Variants in RHOJ observed in about 807,000 individuals in gnomAD.
RHOJ encodes the protein ras homolog family member J.
In RHOJ, 11 loss-of-function variants were observed where a neutral mutation model predicts 23.4. That is an observed-to-expected ratio of 0.47 (90% CI 0.30 to 0.78). The LOEUF is 0.78. Ranked by LOEUF, RHOJ falls within the 30% of genes least tolerant of loss-of-function variation. The pLI is 0.08. For synonymous variants in RHOJ, 102 were observed against 102.7 expected, an observed-to-expected ratio of 0.99 and a Z score of 0.04; for missense variants, 254 against 273.4, an observed-to-expected ratio of 0.93 and a Z score of 0.50.
At chr14:63,247,150 A>C (rs985194658) in intron 1 of RHOJ, among the ~76,000 whole-genome samples, 1 of 152,212 alleles carries the variant, frequency 6.6e-6, no homozygotes, top group Admixed American at 6.5e-5. Context: ...TGGAGTAGCC[A>C]GAGCAAAGAC....
intron 1 of RHOJ, among the ~76,000 whole-genome samples, chr14:63,232,536 GCA>G (rs995030035): frequency 1.3e-5 from 2 of 152,058 alleles, no homozygotes; most frequent in African/African-American, 4.8e-5. Flanking sequence ...GCTCTTCACT[GCA>G]CAGTCTATAT....
At chr14:63,268,456 T>C (rs745537481) in intron 1 of RHOJ, among the ~76,000 whole-genome samples, 8 of 152,220 alleles carry the variant, frequency 5.3e-5, no homozygotes, top group Non-Finnish European at 8.8e-5. Context: ...CCTTTATGTA[T>C]GTGAGACTGA....
At chr14:63,210,195 C>T (rs1594748630) in intron 1 of RHOJ, among the ~76,000 whole-genome samples, 2 of 151,828 alleles carry the variant, frequency 1.3e-5, no homozygotes, top group Admixed American at 1.3e-4. Flanking sequence ...CTCTTGACCT[C>T]GTGATCTGCC....
rs554070222 is a variant in RHOJ, at chr14:63,267,395, G to A, written c.179-1715G>A. The stretch of plus-strand genomic sequence containing the variant: ...CCCAGTGGGGCAGTGAGGATGACTC[G>A]ACTTCTAGGAATCACTCCACAGATG... On this transcript the variant is annotated intron_variant, in intron 1 of 4. Coordinates refer to ENST00000316754, the MANE Select transcript of RHOJ (RefSeq NM_020663.5). Among the ~76,000 whole-genome samples, 20 of 152,308 alleles carry A rather than the reference G, an allele frequency of 1.3e-4. 1 individual carries two copies. In the South Asian group the frequency reaches 3.5e-3, roughly 27 times the overall value.
At chr14:63,214,087 C>T (rs548453247) in intron 1 of RHOJ, among the ~76,000 whole-genome samples, 1 of 152,280 alleles carries the variant, frequency 6.6e-6, no homozygotes, top group Admixed American at 6.5e-5. Flanking sequence ...ACTGCCTTAG[C>T]ACCATGTTTA....
intron 2 of RHOJ, among the ~76,000 whole-genome samples, chr14:63,278,221 T>C (rs1307142613): frequency 1.3e-5 from 2 of 152,184 alleles, no homozygotes; most frequent in Non-Finnish European, 1.5e-5. Context: ...ATTAGGTACC[T>C]AAAACCTGTG....
At position 63,260,777 on chromosome 14, in the gene RHOJ, T is replaced by C. The variant is rs1163605822; in HGVS notation, c.179-8333T>C. Among the ~76,000 whole-genome samples, 8 of 152,158 alleles carry C rather than the reference T, an allele frequency of 5.3e-5. No individual in the cohort carries two copies. In the East Asian group the frequency reaches 5.8e-4, roughly 11 times the overall value. Reference sequence around the variant, plus strand: ...TGAGTGTGTAAATGGTTTCCAACTGTTAGCTACTATAAACACTTTGATGAC... The same window carrying C: ...TGAGTGTGTAAATGGTTTCCAACTGCTAGCTACTATAAACACTTTGATGAC... On this transcript the variant is annotated intron_variant, in intron 1 of 4. Transcript: ENST00000316754.
intron 1 of RHOJ, among the ~76,000 whole-genome samples, chr14:63,244,973 G>A (rs1246876033): frequency 6.6e-6 from 1 of 152,210 alleles, no homozygotes; most frequent in African/African-American, 2.4e-5. Flanking sequence ...ATTGAAAACT[G>A]TATGAGCTTT....
chr14:63,207,035 CTT>C lies in RHOJ; in HGVS notation c.178+2001_178+2002del, dbSNP rs200555463. 6.8e-4 allele frequency among the ~76,000 whole-genome samples: 96 copies of C among 141,002 alleles called. 2 individuals carry two copies. Among genetic ancestry groups the C allele is most frequent in the East Asian group, 4.9e-3 (24 of 4,866 alleles). 92.5% of individuals were successfully genotyped at this position (141,002 alleles called of 152,430 possible). A position where few individuals can be genotyped will look rare whatever the true frequency, so the allele number is the denominator to read the frequency against. ...GTGGTCATTTCTTTTCTTTTCTTTT[CTT>C]TTTTTTTTTTTTGAGACAGAGTCTT... On this transcript the variant is annotated intron_variant, in intron 1 of 4. Transcript: ENST00000316754.
chr14:63,211,497 T>C (rs1894238034), intron 1 of RHOJ, among the ~76,000 whole-genome samples: 1 of 152,204 alleles, frequency 6.6e-6, no homozygotes, highest in African/African-American at 2.4e-5. Flanking sequence ...TAATGGTTGT[T>C]CTTATTTACT....
chr14:63,252,427 A>G (rs1228004048), intron 1 of RHOJ, among the ~76,000 whole-genome samples: 1 of 152,224 alleles, frequency 6.6e-6, no homozygotes, highest in Non-Finnish European at 1.5e-5. Flanking sequence ...CTACTGATTC[A>G]GTATCCGGTA....
chr14:63,222,979 A>G (rs553882766), intron 1 of RHOJ, among the ~76,000 whole-genome samples: 3 of 152,302 alleles, frequency 2.0e-5, no homozygotes, highest in African/African-American at 7.2e-5. Flanking sequence ...CAAAGGAGCT[A>G]GGGAAGGAAG....
At chr14:63,250,173 G>T (rs955657999) in intron 1 of RHOJ, among the ~76,000 whole-genome samples, 1 of 152,002 alleles carries the variant, frequency 6.6e-6, no homozygotes, top group Non-Finnish European at 1.5e-5. Context: ...AAATATAAAA[G>T]CTCTGCAGGC....
At chr14:63,212,540 A>G (rs574467568) in intron 1 of RHOJ, among the ~76,000 whole-genome samples, 1 of 152,310 alleles carries the variant, frequency 6.6e-6, no homozygotes, top group East Asian at 1.9e-4. Context: ...AAGACAAATT[A>G]TCTACCCATA....
intron 1 of RHOJ, among the ~76,000 whole-genome samples, chr14:63,244,101 C>T (rs2139634040): frequency 6.6e-6 from 1 of 152,300 alleles, no homozygotes; most frequent in Non-Finnish European, 1.5e-5. Flanking sequence ...TTAGTTCCAA[C>T]ACAGGGATGA....
At position 63,291,171 on chromosome 14, in the gene RHOJ, A is replaced by T. The variant is rs1882239145; in HGVS notation, c.*147A>T. On this transcript the variant is annotated 3_prime_UTR_variant, in exon 5 of 5. Transcript: ENST00000316754. ...CCCCATCACCCTCTGAGCCCTCCCA[A>T]CACAGCACACTAGTCAGCCCACTGC... 1.2e-6 allele frequency: 1 copy of T among 853,706 alleles called. No homozygotes were observed. The highest frequency in any genetic ancestry group is 1.9e-6 in the Non-Finnish European group (1 of 522,422). The allele number at this position is 853,706 out of a possible 1,614,324, so 52.9% of individuals were successfully genotyped here. A position where few individuals can be genotyped will look rare whatever the true frequency, so the allele number is the denominator to read the frequency against.
intron 1 of RHOJ, among the ~76,000 whole-genome samples, chr14:63,235,239 G>GA (rs200621267): frequency 4.0e-5 from 6 of 151,014 alleles, no homozygotes; most frequent in Admixed American, 6.6e-5. Flanking sequence ...TCGCAGGAAG[G>GA]AAAAAAAAGG....
chr14:63,209,492 T>C (rs1894186461), intron 1 of RHOJ, among the ~76,000 whole-genome samples: 1 of 109,540 alleles, frequency 9.1e-6, no homozygotes, highest in Non-Finnish European at 2.3e-5. Context: ...ACTATTCCGC[T>C]AGATCCCCCC....
At chr14:63,240,636 G>A (rs748118123) in intron 1 of RHOJ, among the ~76,000 whole-genome samples, 4 of 152,102 alleles carry the variant, frequency 2.6e-5, no homozygotes, top group Non-Finnish European at 4.4e-5. Context: ...AGCAGAAGCT[G>A]TCAAAATACA....
Sources: allele counts gnomAD v4.1 joint callset (sites outside exome capture counted in the v4.1 genomes callset), GRCh38; gene constraint gnomAD v4.1.1; transcripts MANE v1.5; gene names NCBI Gene and HGNC (gene_info 2026-07-23, HGNC 2026-07-21).